Variants in SLC22A8 observed in about 807,000 individuals in gnomAD.
SLC22A8 encodes solute carrier family 22 member 8, also known as organic anion transporter 3.
A neutral mutation model predicts 48.4 loss-of-function variants in SLC22A8; 40 were observed. The observed-to-expected ratio is 0.83, with a 90% CI of 0.64 to 1.08. The LOEUF (loss-of-function observed/expected upper bound fraction) is 1.08. Ranked by LOEUF, SLC22A8 falls within the 50% of genes least tolerant of loss-of-function variation. SLC22A8 has a pLI of 0.00. For missense variants in SLC22A8, 606 were observed against 699.0 expected, an observed-to-expected ratio of 0.87 and a Z score of 1.50; for synonymous variants, 268 against 286.3, an observed-to-expected ratio of 0.94 and a Z score of 0.65.
chr11:63,004,684 A>T (rs1051597461), intron 2 of SLC22A8, among the ~76,000 whole-genome samples: 3 of 152,184 alleles, frequency 2.0e-5, no homozygotes, highest in African/African-American at 7.2e-5. Flanking sequence ...GGTTTATTGC[A>T]TGTTTCTCTC....
intron 8 of SLC22A8, 60 bp downstream of exon 8, chr11:62,994,482 C>T (rs2086384857): frequency 7.5e-6 from 10 of 1,340,700 alleles, no homozygotes; most frequent in Non-Finnish European, 1.0e-5. Context: ...GCAGTGAAGT[C>T]CCTGGCACCC....
chr11:63,014,104 C>A (rs186220281), intron 2 of SLC22A8, among the ~76,000 whole-genome samples: 1 of 152,248 alleles, frequency 6.6e-6, no homozygotes, highest in Admixed American at 6.5e-5. Context: ...TTGCACAAGA[C>A]GGACTTTTCC....
At position 62,993,145 on chromosome 11, in the gene SLC22A8, G is replaced by A; in HGVS notation, c.*92C>T. 1.1e-6 allele frequency: 1 copy of A among 897,608 alleles called. No homozygotes were observed. Among genetic ancestry groups the A allele is most frequent in the Non-Finnish European group, 1.7e-6 (1 of 584,436 alleles). The allele number at this position is 897,608 out of a possible 1,614,324, so 55.6% of individuals were successfully genotyped here. ...CAAGCTCTCAGAAGGCTTCATCCTA[G>A]GAGGATGGACCTATATGGGGCCTCC... On this transcript the variant is annotated 3_prime_UTR_variant, in exon 11 of 11. Coordinates refer to ENST00000336232, the MANE Select transcript of SLC22A8 (RefSeq NM_004254.4).
Position 62,995,838 on chromosome 11 carries a change from GA to G in SLC22A8, c.886-20del, listed in dbSNP as rs778271766. 1.3e-6 allele frequency: 2 copies of G among 1,589,608 alleles called. No homozygotes were observed. The highest frequency in any genetic ancestry group is 1.3e-5 in the African/African-American group (1 of 74,530). Reference sequence around the variant, plus strand: ...TGAGCTCCTTCGGGCAGAGGAGGGGGAGGGGTGCCATTAATGACCAGCTAGT... The same window carrying G: ...TGAGCTCCTTCGGGCAGAGGAGGGGGGGGGTGCCATTAATGACCAGCTAGT... On this transcript the variant is annotated intron_variant, in intron 6 of 10. Transcript: ENST00000336232.
intron 2 of SLC22A8, among the ~76,000 whole-genome samples, chr11:63,006,228 G>A (rs184076175): frequency 1.3e-5 from 2 of 152,236 alleles, no homozygotes; most frequent in East Asian, 3.9e-4. Flanking sequence ...GCAAGTCCTT[G>A]GATTCCATCA....
chr11:63,006,135 C>T (rs1327364589), intron 2 of SLC22A8, among the ~76,000 whole-genome samples: 1 of 151,990 alleles, frequency 6.6e-6, no homozygotes, highest in African/African-American at 2.4e-5. Context: ...AAAACTTAGG[C>T]TAGATGTCTT....
At chr11:62,994,051 T>C (rs2086378670) in intron 8 of SLC22A8, 173 bp from the exon 9 acceptor site, 4 of 612,078 alleles carry the variant, frequency 6.5e-6, no homozygotes, top group Non-Finnish European at 1.2e-5. Context: ...TGTTTTCCCC[T>C]GCCTCTGATC....
chr11:63,005,064 A>G (rs865844462), intron 2 of SLC22A8, among the ~76,000 whole-genome samples: 3 of 152,248 alleles, frequency 2.0e-5, no homozygotes, highest in Non-Finnish European at 4.4e-5. Flanking sequence ...AAAATTGTCT[A>G]CTGGAGGATT....
In SLC22A8 at chr11:62,993,625, T is replaced by G. The variant is rs776216534; in HGVS notation, c.1328A>C (p.Gln443Pro). 1.2e-5 allele frequency: 20 copies of G among 1,606,112 alleles called. No individual in the cohort carries two copies. The Admixed American group carries it at 2.7e-4, about 21-fold the overall frequency. Residue 443 changes from glutamine (Q) to proline (P), a missense_variant and splice_region_variant, in exon 10 of 11, where the codon CAA becomes CCA. Coordinates refer to ENST00000336232, the MANE Select transcript of SLC22A8 (RefSeq NM_004254.4). ...CAGGTTACTTACGCCCATACCTGTTTGCCTGCGAGGGTTCAGAGTAGGGAT... is the reference window on the plus strand; with the variant it reads ...CAGGTTACTTACGCCCATACCTGTTGGCCTGCGAGGGTTCAGAGTAGGGAT... ...TSELYPTVIR[Q>P]TGMGVSNLWT...
In SLC22A8 at chr11:62,993,149, G is replaced by T; in HGVS notation, c.*88C>A. On this transcript the variant is annotated 3_prime_UTR_variant, in exon 11 of 11. Coordinates refer to ENST00000336232, the MANE Select transcript of SLC22A8 (RefSeq NM_004254.4). ...CTCTCAGAAGGCTTCATCCTAGGAG[G>T]ATGGACCTATATGGGGCCTCCCTAT... 1 of 934,000 alleles carries T rather than the reference G, an allele frequency of 1.1e-6. No homozygotes were observed. Among genetic ancestry groups the T allele is most frequent in the Non-Finnish European group, 1.6e-6 (1 of 614,492 alleles). The allele number at this position is 934,000 out of a possible 1,614,324, so 57.9% of individuals were successfully genotyped here.
chr11:63,006,467 C>T (rs1399680023), intron 2 of SLC22A8, among the ~76,000 whole-genome samples: 1 of 152,046 alleles, frequency 6.6e-6, no homozygotes, highest in Non-Finnish European at 1.5e-5. Flanking sequence ...AGGTAAGGTG[C>T]TCCTCATTTC....
At chr11:63,000,880 T>C in intron 2 of SLC22A8, 57 bp from the exon 3 acceptor site, 4 of 1,357,864 alleles carry the variant, frequency 2.9e-6, no homozygotes, top group Non-Finnish European at 4.2e-6. Flanking sequence ...TGCTCAGCCA[T>C]GCTCAGCCTG....
At chr11:63,002,593 CT>C (rs942876274) in intron 2 of SLC22A8, among the ~76,000 whole-genome samples, 1 of 151,864 alleles carries the variant, frequency 6.6e-6, no homozygotes, top group African/African-American at 2.4e-5. Flanking sequence ...GTGAATTGGA[CT>C]TTTTTTTAAA....
At chr11:62,995,094 T>TC in intron 7 of SLC22A8, 1 of 389,866 alleles carries the variant, frequency 2.6e-6, no homozygotes, top group South Asian at 2.4e-5. Flanking sequence ...CAGTTTAACA[T>TC]CCAGACTGGC....
At chr11:62,997,535 T>C (rs1418877343) in intron 5 of SLC22A8, among the ~76,000 whole-genome samples, 1 of 152,196 alleles carries the variant, frequency 6.6e-6, no homozygotes, top group Non-Finnish European at 1.5e-5. Context: ...TAGAAAAATC[T>C]TGATGCTCAG....
At chr11:62,996,556 T>A (rs960073577) in intron 5 of SLC22A8, among the ~76,000 whole-genome samples, 1 of 152,118 alleles carries the variant, frequency 6.6e-6, no homozygotes, top group Non-Finnish European at 1.5e-5. Flanking sequence ...TCCCAGTCTC[T>A]CTGGAGAAGA....
intron 2 of SLC22A8, among the ~76,000 whole-genome samples, chr11:63,007,827 T>C (rs1007208819): frequency 2.0e-5 from 3 of 152,234 alleles, no homozygotes; most frequent in Admixed American, 6.5e-5. Flanking sequence ...AATAACCTTA[T>C]AAAGTAGGTA....
At chr11:62,995,904 T>C (rs767207640) in intron 6 of SLC22A8, 85 bp from the exon 7 acceptor site, 2 of 1,524,010 alleles carry the variant, frequency 1.3e-6, no homozygotes, top group East Asian at 2.3e-5. Context: ...GTGGTGCCTC[T>C]AGAGGAGCTC....
chr11:63,012,665 G>A (rs994206999), intron 2 of SLC22A8, among the ~76,000 whole-genome samples: 3 of 152,164 alleles, frequency 2.0e-5, no homozygotes. Context: ...TCTGTACCAG[G>A]CACTATTCTA....
Sources: allele counts gnomAD v4.1 joint callset (sites outside exome capture counted in the v4.1 genomes callset), GRCh38; gene constraint gnomAD v4.1.1; transcripts MANE v1.5; gene names NCBI Gene and HGNC (gene_info 2026-07-23, HGNC 2026-07-21).